The following CFAP97D2 variants were observed in gnomAD, a reference collection of about 807,000 sequenced individuals.
The protein encoded by CFAP97D2 is uncharacterized protein CFAP97D2.
chr13:114,217,569 C>G (rs777701388), intron 4 of CFAP97D2, among the ~76,000 whole-genome samples: 2 of 152,118 alleles, frequency 1.3e-5, no homozygotes, highest in Non-Finnish European at 2.9e-5. Context: ...AGAGACACAA[C>G]AAAGAAAGAG....
chr13:114,207,106 C>T lies in CFAP97D2; in HGVS notation c.291-4806C>T, dbSNP rs183897274. Among the ~76,000 whole-genome samples, 95 of 152,364 alleles carry T rather than the reference C, an allele frequency of 6.2e-4. No individual in the cohort carries two copies. Among genetic ancestry groups the T allele is most frequent in the Middle Eastern group, 6.8e-3 (2 of 294 alleles). On this transcript the variant is annotated intron_variant, in intron 3 of 4. Transcript: ENST00000646158. This position sits in a 1 kb window ranked among gnomAD's most constrained non-coding sequence, Gnocchi z 4.9. ...CACCACCGCATGGCAGCAGTGTCCCCGCATCCACCTGGTGTGGGCAAGGCA... is the reference window on the plus strand; with the variant it reads ...CACCACCGCATGGCAGCAGTGTCCCTGCATCCACCTGGTGTGGGCAAGGCA...
chr13:114,179,265 T>A (rs1436907667), upstream of CFAP97D2: 1 of 398,374 alleles, frequency 2.5e-6, no homozygotes, highest in Non-Finnish European at 4.4e-6. The surrounding 1 kb of genome is among the most constrained non-coding windows in gnomAD (Gnocchi z 4.8). Flanking sequence ...ACACAGCGTC[T>A]CCAGGTCTGC....
At chr13:114,221,631 C>A (rs926516244) in intron 4 of CFAP97D2, among the ~76,000 whole-genome samples, 3 of 151,986 alleles carry the variant, frequency 2.0e-5, no homozygotes, top group African/African-American at 7.3e-5. Context: ...TCATAGGCTG[C>A]TGGTAGGGGT....
intron 4 of CFAP97D2, among the ~76,000 whole-genome samples, chr13:114,213,267 C>T (rs1246325773): frequency 6.6e-6 from 1 of 151,876 alleles, no homozygotes; most frequent in Non-Finnish European, 1.5e-5. Flanking sequence ...GACCATGGAC[C>T]CCACCCCTGC....
At chr13:114,208,367 A>T (rs1421045009) in intron 3 of CFAP97D2, among the ~76,000 whole-genome samples, 1 of 152,234 alleles carries the variant, frequency 6.6e-6, no homozygotes, top group Non-Finnish European at 1.5e-5. Flanking sequence ...TCCTGAAAGC[A>T]GTGTGCTTAA....
chr13:114,197,961 A>T (rs7336381), intron 2 of CFAP97D2, among the ~76,000 whole-genome samples: 35,387 of 151,428 alleles, frequency 0.23, 4,254 homozygotes, highest in Middle Eastern at 0.35. Flanking sequence ...CTGGGATTAC[A>T]GGTGTTGTTT....
chr13:114,182,621 A>G (rs1455562637), intron 1 of CFAP97D2, among the ~76,000 whole-genome samples: 1 of 152,076 alleles, frequency 6.6e-6, no homozygotes, highest in Non-Finnish European at 1.5e-5. Context: ...TCTGCAGTGC[A>G]TTGTGCCCCT....
intron 1 of CFAP97D2, among the ~76,000 whole-genome samples, chr13:114,182,439 A>C (rs1007852167): frequency 6.6e-6 from 1 of 151,792 alleles, no homozygotes; most frequent in Non-Finnish European, 1.5e-5. Context: ...CTCTATCTCA[A>C]CTGCAAGAGG....
At chr13:114,180,080 C>T (rs577775075) in intron 1 of CFAP97D2, among the ~76,000 whole-genome samples, 105 of 152,358 alleles carry the variant, frequency 6.9e-4, no homozygotes, top group African/African-American at 2.5e-3. Context: ...GAGGGCATCG[C>T]CATGCAGATC....
chr13:114,200,382 G>T (rs2080911984), exon 3 of CFAP97D2: 2 of 398,584 alleles, frequency 5.0e-6, no homozygotes, highest in Admixed American at 8.8e-5. Flanking sequence ...CCTGGAGAAG[G>T]TGGCCTCTGT....
At chr13:114,194,048 C>T (rs1401968567) in intron 1 of CFAP97D2, among the ~76,000 whole-genome samples, 1 of 152,196 alleles carries the variant, frequency 6.6e-6, no homozygotes, top group Non-Finnish European at 1.5e-5. Flanking sequence ...GTACTAAGAA[C>T]CAACTCACTA....
At chr13:114,212,115 C>G (rs1050519347) in intron 4 of CFAP97D2, 3 of 398,498 alleles carry the variant, frequency 7.5e-6, no homozygotes, top group Admixed American at 4.4e-5. Context: ...CCCGCACCTT[C>G]TTTTTCATCT....
Position 114,211,861 on chromosome 13 carries a change from G to C in CFAP97D2, c.291-51G>C. 2.5e-6 allele frequency: 1 copy of C among 398,518 alleles called. No homozygotes were observed. The highest frequency in any genetic ancestry group is 1.3e-4 in the South Asian group (1 of 7,702). 24.7% of individuals were successfully genotyped at this position (398,518 alleles called of 1,614,324 possible). On this transcript the variant is annotated intron_variant, in intron 3 of 4. Transcript: ENST00000646158. This position sits in a 1 kb window ranked among gnomAD's most constrained non-coding sequence, Gnocchi z 4.2. ...AGCCTGTTGGCCCTGTGGAGGGAAT[G>C]GCAGCCTTAATAAAATCCAAATTTC...
At chr13:114,199,017 G>A (rs1317287670) in intron 2 of CFAP97D2, among the ~76,000 whole-genome samples, 4 of 42,790 alleles carry the variant, frequency 9.3e-5, no homozygotes, top group African/African-American at 2.5e-4. Context: ...TACGGTCCCC[G>A]CCGAGGGGTG....
rs964895054 is a variant in CFAP97D2, at chr13:114,186,892, G to C, written c.90+7472G>C. On this transcript the variant is annotated intron_variant, in intron 1 of 4. Transcript: ENST00000646158. This position sits in a 1 kb window ranked among gnomAD's most constrained non-coding sequence, Gnocchi z 4.3. ...CAGAGGGATGGGATCCAGGCCAGTA[G>C]CATGAGCTGAGCACAGCCTGCCAGT... 6.6e-6 allele frequency among the ~76,000 whole-genome samples: 1 copy of C among 152,244 alleles called. No individual in the cohort carries two copies. The highest frequency in any genetic ancestry group is 6.5e-5 in the Admixed American group (1 of 15,290).
chr13:114,211,881 A>G lies in CFAP97D2; in HGVS notation c.291-31A>G, dbSNP rs985406109. ...GGAATGGCAGCCTTAATAAAATCCA[A>G]ATTTCAAAATGTGTGTGCTCTTTCG... On this transcript the variant is annotated intron_variant, in intron 3 of 4. Coordinates refer to ENST00000646158, the Ensembl canonical transcript of CFAP97D2. The surrounding 1 kb of genome is among the most constrained non-coding windows in gnomAD (Gnocchi z 4.2). 2.3e-5 allele frequency: 9 copies of G among 398,510 alleles called. No homozygotes were observed. Among genetic ancestry groups the G allele is most frequent in the Non-Finnish European group, 2.2e-5 (5 of 226,104 alleles). The allele number at this position is 398,510 out of a possible 1,614,324, so 24.7% of individuals were successfully genotyped here.
At chr13:114,183,602 A>G (rs1014944426) in intron 1 of CFAP97D2, among the ~76,000 whole-genome samples, 2 of 152,146 alleles carry the variant, frequency 1.3e-5, no homozygotes, top group Admixed American at 6.5e-5. Flanking sequence ...TTGTTGCTGC[A>G]TCCTCATATG....
chr13:114,217,279 A>G (rs2080998281), intron 4 of CFAP97D2, among the ~76,000 whole-genome samples: 1 of 152,234 alleles, frequency 6.6e-6, no homozygotes, highest in Non-Finnish European at 1.5e-5. Flanking sequence ...GAAAATCTAG[A>G]AGAAATGGAT....
chr13:114,199,197 G>A (rs1251534674), intron 2 of CFAP97D2, among the ~76,000 whole-genome samples: 1 of 34,038 alleles, frequency 2.9e-5, no homozygotes, highest in African/African-American at 4.0e-4. Context: ...GCGCGTCCCC[G>A]TGTGTACGGT....
Sources: gnomAD v4.1 joint callset for allele counts (sites outside exome capture counted in the v4.1 genomes callset) on GRCh38, gnomAD v4.1.1 for gene constraint, Gnocchi (gnomAD v3.1) non-coding constraint, MANE v1.5 for transcripts, NCBI Gene and HGNC (gene_info 2026-07-23, HGNC 2026-07-21) for gene names.